Variants in ITPKC observed in about 807,000 individuals in gnomAD.
ITPKC encodes inositol-trisphosphate 3-kinase C.
A neutral mutation model predicts 67.1 loss-of-function variants in ITPKC; 33 were observed. The observed-to-expected ratio is 0.49, with a 90% confidence interval of 0.37 to 0.66. The LOEUF (loss-of-function observed/expected upper bound fraction) is 0.66, where lower values mean the gene tolerates loss of function less well. Among genes scored for constraint, ITPKC ranks in the 30% least tolerant of loss-of-function variants. The pLI, the probability that ITPKC is intolerant of heterozygous loss-of-function variation, is 0.00. For synonymous variants in ITPKC, 341 were observed against 359.8 expected, an observed-to-expected ratio of 0.95 and a Z score of 0.59; for missense variants, 820 against 892.1, an observed-to-expected ratio of 0.92 and a Z score of 1.03.
At chr19:40,722,942 G>A (rs2082228836) in intron 1 of ITPKC, among the ~76,000 whole-genome samples, 1 of 150,622 alleles carries the variant, frequency 6.6e-6, no homozygotes, top group East Asian at 2.0e-4. Flanking sequence ...ACGCCTAGCT[G>A]ATTCTTAATT....
rs945632213 is a variant in ITPKC at position 40,718,225 on chromosome 19, G to T, written c.1090G>T (p.Asp364Tyr). 1.3e-6 allele frequency: 2 copies of T among 1,543,368 alleles called. No homozygotes were observed. The highest frequency in any genetic ancestry group is 1.7e-6 in the Non-Finnish European group (2 of 1,150,422). Residue 364 changes from aspartate to tyrosine, a missense_variant, in exon 1 of 7, where the codon GAC becomes TAC. This residue lies in a region of ITPKC where 481 missense variants were observed against 470.1 expected (regional missense o/e 1.02). Coordinates refer to ENST00000263370, the MANE Select transcript of ITPKC (RefSeq NM_025194.3). The stretch of plus-strand genomic sequence containing the variant: ...CGGCTTCTCCTCTGCCTCTTCTTTC[G>T]ACGAGTCTGAGGATGACGTGGTGGC... ...SGGFSSASSF[D>Y]ESEDDVVAGG...
rs1207157538 is a variant in ITPKC, at chr19:40,732,629, G to T, written c.1470-531G>T. Among the ~76,000 whole-genome samples, 3 of 151,460 alleles carry T rather than the reference G, an allele frequency of 2.0e-5. No individual in the cohort carries two copies. In the East Asian group the frequency reaches 5.8e-4, roughly 29 times the overall value. On this transcript the variant is annotated intron_variant, in intron 3 of 6. Coordinates refer to ENST00000263370, the MANE Select transcript of ITPKC (RefSeq NM_025194.3). ...TACATTGTAACTAACACCGGGTCTCGCTATGTTGCCGAGGCTGATCTTGAC... is the reference window on the plus strand; with the variant it reads ...TACATTGTAACTAACACCGGGTCTCTCTATGTTGCCGAGGCTGATCTTGAC...
Position 40,717,140 on chromosome 19 carries a change from G to A in ITPKC, c.5G>A (p.Arg2Lys), listed in dbSNP as rs1037966352. Residue 2 changes from arginine (R) to lysine (K), a missense_variant, in exon 1 of 7, where the codon AGG becomes AAG. Arg to Lys is a conservative substitution (Grantham distance 26). Transcript: ENST00000263370. Reference protein sequence around the residue: MRRCPCRGSLNE... With the variant: MKRCPCRGSLNE... ...GCCCGAACCGAAGGAGCGGGCATGA[G>A]GCGCTGCCCGTGCCGTGGGAGCCTG... The A allele has an allele frequency of 2.4e-6, 3 of 1,226,738 alleles. No homozygotes were observed. Among genetic ancestry groups the A allele is most frequent in the African/African-American group, 1.6e-5 (1 of 64,122 alleles). The allele number at this position is 1,226,738 out of a possible 1,614,324, so 76.0% of individuals were successfully genotyped here.
At chr19:40,725,278 C>A in intron 1 of ITPKC, 62 bp from the exon 2 acceptor site, 1 of 1,039,954 alleles carries the variant, frequency 9.6e-7, no homozygotes, top group Non-Finnish European at 1.5e-6. Context: ...CTCATGGCAG[C>A]ACCTCTAGCC....
In ITPKC at chr19:40,733,257, A is replaced by G; in HGVS notation, c.1567A>G (p.Thr523Ala). ...GGTGGCTGTGGACCCTGGGGCCCCT[A>G]CCCCTGAGGAGCATGCCCAGGGTGC... ...KMVAVDPGAP[T>A]PEEHAQGAVT... The change falls in exon 4 of 7, where the codon ACC becomes GCC. Residue 523 changes from threonine to alanine, a missense_variant. Physicochemically the swap from Thr to Ala is moderately conservative, Grantham distance 58. Around this residue, in one of 2 missense-constraint regions of ITPKC, gnomAD observed 339 missense variants for 422.0 expected, o/e 0.80. Transcript: ENST00000263370. The G allele has an allele frequency of 3.1e-6, 5 of 1,614,088 alleles. No individual in the cohort carries two copies. Among genetic ancestry groups the G allele is most frequent in the Non-Finnish European group, 4.2e-6 (5 of 1,179,976 alleles).
chr19:40,725,705 G>A (rs1049381614), intron 2 of ITPKC, among the ~76,000 whole-genome samples: 1 of 152,216 alleles, frequency 6.6e-6, no homozygotes, highest in South Asian at 2.1e-4. Context: ...GGGTGACCTT[G>A]GGCAAGTTAC....
intron 1 of ITPKC, among the ~76,000 whole-genome samples, chr19:40,723,864 C>T (rs1204578063): frequency 2.0e-5 from 3 of 152,168 alleles, no homozygotes; most frequent in African/African-American, 7.2e-5. Flanking sequence ...GGATTTTCTG[C>T]AGTAACAAAG....
intron 6 of ITPKC, among the ~76,000 whole-genome samples, chr19:40,738,289 CG>C (rs1201447936): frequency 6.6e-6 from 1 of 151,742 alleles, no homozygotes; most frequent in South Asian, 2.1e-4. Flanking sequence ...ATTAGCCGGG[CG>C]TGGTGGCGGG....
rs1244843407 is a variant in ITPKC, at chr19:40,729,834, AC to A, written c.1469+421del. On this transcript the variant is annotated intron_variant, in intron 3 of 6. Transcript: ENST00000263370. ...ATTTTCAAAGTGGTTGTACCAGTGT[AC>A]CTTCCCACCACCATGTATGAGTGTT... Among the ~76,000 whole-genome samples, 4 of 152,308 alleles carry A rather than the reference AC, an allele frequency of 2.6e-5. No individual in the cohort carries two copies. In the South Asian group the frequency reaches 8.3e-4, roughly 32 times the overall value.
intron 2 of ITPKC, among the ~76,000 whole-genome samples, chr19:40,726,877 A>G (rs986065152): frequency 1.3e-5 from 2 of 152,066 alleles, no homozygotes; most frequent in Non-Finnish European, 2.9e-5. Flanking sequence ...CCTTGTCTCT[A>G]CGAAAAATAA....
At chr19:40,737,651 C>A in intron 5 of ITPKC, 47 bp from the exon 6 acceptor site, 2 of 1,537,158 alleles carry the variant, frequency 1.3e-6, no homozygotes, top group Non-Finnish European at 1.8e-6. Flanking sequence ...GTGGGCAAGG[C>A]CCCACAAAGT....
intron 1 of ITPKC, among the ~76,000 whole-genome samples, chr19:40,725,075 G>A (rs2082240133): frequency 6.6e-6 from 1 of 152,152 alleles, no homozygotes; most frequent in Non-Finnish European, 1.5e-5. Context: ...GAGAAGGACA[G>A]AGAGACATAG....
chr19:40,725,101 T>C (rs976863605), intron 1 of ITPKC, among the ~76,000 whole-genome samples: 1 of 152,132 alleles, frequency 6.6e-6, no homozygotes, highest in African/African-American at 2.4e-5. Context: ...AAGAAAGTGA[T>C]GACAGAGGGG....
chr19:40,728,792 C>T (rs2144743625), intron 2 of ITPKC, among the ~76,000 whole-genome samples: 1 of 152,232 alleles, frequency 6.6e-6, no homozygotes, highest in Middle Eastern at 3.4e-3. Flanking sequence ...CTTTGGGAGG[C>T]CAAGGCGGGT....
In ITPKC at chr19:40,717,624, C is replaced by T. The variant is rs1313306573; in HGVS notation, c.489C>T (p.Pro163=). The T allele has an allele frequency of 4.3e-6, 7 of 1,614,146 alleles. No homozygotes were observed. The highest frequency in any genetic ancestry group is 5.9e-6 in the Non-Finnish European group (7 of 1,180,000). The change falls in exon 1 of 7, where the codon CCC becomes CCT. Residue 163 remains proline, a synonymous_variant. Transcript: ENST00000263370. ...DLQFQPEEAS[P]WTQPGVHGPW... is the part of the protein sequence containing the mutation. ...AGTTTCAGCCCGAGGAGGCCAGCCC[C>T]TGGACACAGCCAGGGGTTCATGGGC...
chr19:40,729,819 T>C (rs2082262731), intron 3 of ITPKC, among the ~76,000 whole-genome samples: 1 of 152,142 alleles, frequency 6.6e-6, no homozygotes, highest in African/African-American at 2.4e-5. Flanking sequence ...ATTTTCAAAG[T>C]GGTTGTACCA....
intron 4 of ITPKC, among the ~76,000 whole-genome samples, chr19:40,735,854 G>A (rs2082291986): frequency 6.6e-6 from 1 of 152,112 alleles, no homozygotes; most frequent in Non-Finnish European, 1.5e-5. Flanking sequence ...TATATGCCAG[G>A]CACTGTGCTG....
chr19:40,737,133 C>T, intron 5 of ITPKC, 46 bp downstream of exon 5: 2 of 1,216,998 alleles, frequency 1.6e-6, no homozygotes, highest in Non-Finnish European at 2.4e-6. Context: ...TTAAGACAGC[C>T]ACCATTTATT....
intron 3 of ITPKC, among the ~76,000 whole-genome samples, chr19:40,732,792 C>T (rs979958177): frequency 6.6e-6 from 1 of 152,134 alleles, no homozygotes; most frequent in Non-Finnish European, 1.5e-5. Flanking sequence ...TCTTTTCCTA[C>T]TCCAAGATCA....
Sources: allele counts gnomAD v4.1 joint callset (sites outside exome capture counted in the v4.1 genomes callset), GRCh38; gene constraint gnomAD v4.1.1; regional missense constraint gnomAD v4.1.1; transcripts MANE v1.5; gene names NCBI Gene and HGNC (gene_info 2026-07-23, HGNC 2026-07-21).